KIAA0319L: variants seen among roughly 807,000 people sequenced by gnomAD.
The protein encoded by KIAA0319L is KIAA0319 like, also known as dyslexia-associated protein KIAA0319-like protein.
KIAA0319L carries 55 observed loss-of-function variants against 120.1 expected under a neutral mutation model. The ratio of observed to expected loss-of-function variants is 0.46; its 90% CI spans 0.37 to 0.57. KIAA0319L has a LOEUF of 0.57. Ranked by LOEUF, KIAA0319L falls within the 20% of genes least tolerant of loss-of-function variation. The pLI is 0.00. For synonymous variants in KIAA0319L, 398 were observed against 471.9 expected, an observed-to-expected ratio of 0.84 and a Z score of 2.03; for missense variants, 1,049 against 1,255.3, an observed-to-expected ratio of 0.84 and a Z score of 2.48.
intron 5 of KIAA0319L, among the ~76,000 whole-genome samples, chr1:35,471,182 T>C (rs1053518235): frequency 1.3e-5 from 2 of 152,136 alleles, no homozygotes; most frequent in African/African-American, 4.8e-5. Context: ...CTCCCAACAA[T>C]GCTTATTCCT....
chr1:35,500,322 T>C (rs1423043002), intron 3 of KIAA0319L, among the ~76,000 whole-genome samples: 1 of 152,210 alleles, frequency 6.6e-6, no homozygotes, highest in Non-Finnish European at 1.5e-5. Context: ...CTGTACACGT[T>C]CCAGGACCCA....
chr1:35,472,843 C>G (rs1356514989), intron 5 of KIAA0319L, among the ~76,000 whole-genome samples: 1 of 149,768 alleles, frequency 6.7e-6, no homozygotes, highest in African/African-American at 2.5e-5. Flanking sequence ...GGCTGGAGTG[C>G]AGTGGCATAA....
Position 35,442,918 on chromosome 1 carries a change from C to G in KIAA0319L, c.2767G>C (p.Asp923His). The G allele has an allele frequency of 1.2e-6, 2 of 1,614,246 alleles. No homozygotes were observed. Among genetic ancestry groups the G allele is most frequent in the Non-Finnish European group, 1.7e-6 (2 of 1,180,034 alleles). ...NFIKVQLRDG[D>H]SNCEWSVLYV... ...ATAGAAAACTCACCACAGTTGCTGT[C>G]TCCATCCCTCAGCTGCACCTTGATG... Residue 923 changes from aspartate to histidine, a missense_variant, in exon 18 of 21, where the codon GAC becomes CAC. Asp to His is a moderately conservative substitution (Grantham distance 81, BLOSUM62 -1). Coordinates refer to ENST00000325722, the MANE Select transcript of KIAA0319L (RefSeq NM_024874.5).
At chr1:35,527,994 G>A (rs965661446) in intron 2 of KIAA0319L, among the ~76,000 whole-genome samples, 1 of 151,690 alleles carries the variant, frequency 6.6e-6, no homozygotes, top group Non-Finnish European at 1.5e-5. Context: ...TACTTTTTTT[G>A]ATGTAGGTGT....
intron 2 of KIAA0319L, among the ~76,000 whole-genome samples, chr1:35,550,372 G>T (rs1558677973): frequency 6.6e-6 from 1 of 152,176 alleles, no homozygotes; most frequent in Non-Finnish European, 1.5e-5. Flanking sequence ...AAACACTCAG[G>T]TAAACACTGA....
chr1:35,504,040 C>T (rs1267673668), intron 3 of KIAA0319L, among the ~76,000 whole-genome samples: 1 of 151,716 alleles, frequency 6.6e-6, no homozygotes, highest in African/African-American at 2.4e-5. Flanking sequence ...TGTGCACCAC[C>T]TCACCTCGCT....
Position 35,452,960 on chromosome 1 carries a change from G to A in KIAA0319L, c.1913+597C>T, listed in dbSNP as rs1334111996. Among the ~76,000 whole-genome samples, 3 of 152,256 alleles carry A rather than the reference G, an allele frequency of 2.0e-5. No individual in the cohort carries two copies. In the East Asian group the frequency reaches 5.8e-4, roughly 29 times the overall value. Reference sequence around the variant, plus strand: ...ATTCTTTTGCTACTTGTGGGATCCTGCATATAATTTCAGTTGCATTAGTTA... The same window carrying A: ...ATTCTTTTGCTACTTGTGGGATCCTACATATAATTTCAGTTGCATTAGTTA... On this transcript the variant is annotated intron_variant, in intron 12 of 20. Transcript: ENST00000325722.
chr1:35,556,376 GA>G (rs1205114900), intron 1 of KIAA0319L: 1 of 152,242 alleles, frequency 6.6e-6, no homozygotes, highest in Non-Finnish European at 1.5e-5. Flanking sequence ...GAGCACGTCT[GA>G]AACAATCTAT....
chr1:35,480,329 A>G (rs919775432), intron 3 of KIAA0319L, among the ~76,000 whole-genome samples: 3 of 152,246 alleles, frequency 2.0e-5, no homozygotes, highest in Admixed American at 2.0e-4. Context: ...GTTGTATGCA[A>G]GGAAGTAACA....
intron 2 of KIAA0319L, among the ~76,000 whole-genome samples, chr1:35,509,208 A>G (rs1280430469): frequency 1.3e-5 from 2 of 152,184 alleles, no homozygotes; most frequent in Non-Finnish European, 2.9e-5. Flanking sequence ...TAAACAAAGT[A>G]CCAGAAAGGA....
At chr1:35,525,681 G>T (rs1646098599) in intron 2 of KIAA0319L, among the ~76,000 whole-genome samples, 1 of 152,040 alleles carries the variant, frequency 6.6e-6, no homozygotes, top group Non-Finnish European at 1.5e-5. Flanking sequence ...TTTTAATGGG[G>T]CTATGTAGGG....
At chr1:35,513,288 A>ATATATTTTTTTT (rs1414704674) in intron 2 of KIAA0319L, among the ~76,000 whole-genome samples, 1 of 85,338 alleles carries the variant, frequency 1.2e-5, no homozygotes, top group African/African-American at 4.3e-5. Flanking sequence ...ATATATATAT[A>ATATATTTTTTTT]TTTTTTTTTT....
At chr1:35,484,798 ATATATATATTTT>A (rs1356474283) in intron 3 of KIAA0319L, among the ~76,000 whole-genome samples, 8 of 25,300 alleles carry the variant, frequency 3.2e-4, no homozygotes, top group African/African-American at 1.7e-3. Flanking sequence ...ATATATATAT[ATATATATATTTT>A]TTTTTTTATT....
intron 3 of KIAA0319L, among the ~76,000 whole-genome samples, chr1:35,484,789 TA>T (rs57801257): frequency 0.036 from 2,436 of 67,656 alleles, 117 homozygotes; most frequent in East Asian, 0.2. Flanking sequence ...TATATATATA[TA>T]TATATATATA....
At chr1:35,469,010 GT>G (rs1643450625) in intron 6 of KIAA0319L, among the ~76,000 whole-genome samples, 1 of 152,266 alleles carries the variant, frequency 6.6e-6, no homozygotes, top group South Asian at 2.1e-4. Context: ...ATGGCACATG[GT>G]ATGAATTCAA....
intron 2 of KIAA0319L, among the ~76,000 whole-genome samples, chr1:35,532,887 T>G (rs1041797361): frequency 4.6e-5 from 7 of 152,126 alleles, no homozygotes; most frequent in Admixed American, 3.3e-4. Context: ...TCTAAAATCA[T>G]AGCAAAGCAG....
At chr1:35,519,362 T>C (rs779570816) in intron 2 of KIAA0319L, among the ~76,000 whole-genome samples, 4 of 152,186 alleles carry the variant, frequency 2.6e-5, no homozygotes, top group Non-Finnish European at 5.9e-5. Context: ...AGTTTTTTTT[T>C]CCCCTGTATA....
At chr1:35,470,404 G>A (rs1421785067) in intron 6 of KIAA0319L, among the ~76,000 whole-genome samples, 1 of 150,714 alleles carries the variant, frequency 6.6e-6, no homozygotes, top group African/African-American at 2.4e-5. Flanking sequence ...GAGGTAGGAG[G>A]ATTGCTTGAG....
chr1:35,492,649 A>T (rs1010689729), intron 3 of KIAA0319L, among the ~76,000 whole-genome samples: 1 of 152,170 alleles, frequency 6.6e-6, no homozygotes, highest in Non-Finnish European at 1.5e-5. Flanking sequence ...AAACAAAAAA[A>T]ATCATCTCAA....
Sources: allele counts gnomAD v4.1 joint callset (sites outside exome capture counted in the v4.1 genomes callset), GRCh38; gene constraint gnomAD v4.1.1; transcripts MANE v1.5; gene names NCBI Gene and HGNC (gene_info 2026-07-23, HGNC 2026-07-21).